The following RIF1 variants were observed in gnomAD, a reference collection of about 807,000 sequenced individuals.
RIF1 encodes telomere-associated protein RIF1.
In RIF1, 45 loss-of-function variants were observed where a neutral mutation model predicts 247.1. The observed-to-expected ratio is 0.18, with a 90% CI of 0.14 to 0.23. The LOEUF is 0.23. Among genes scored for constraint, RIF1 ranks in the 10% least tolerant of loss-of-function variants. RIF1 has a pLI of 1.00. For synonymous variants in RIF1, 1,087 were observed against 978.8 expected (o/e 1.11, Z -2.06); for missense variants, 2,967 against 2,862.5 (o/e 1.04, Z -0.83).
At chr2:151,420,589 T>C (rs756153289) in intron 7 of RIF1, among the ~76,000 whole-genome samples, 5 of 151,928 alleles carry the variant, frequency 3.3e-5, no homozygotes, top group Non-Finnish European at 7.4e-5. Context: ...TCTTAAAAAT[T>C]AGCTGGGCGT....
At chr2:151,517,452 G>A in the RIF1 span, among the ~76,000 whole-genome samples, 1 of 152,190 alleles carries the variant, frequency 6.6e-6, no homozygotes, top group African/African-American at 2.4e-5. Flanking sequence ...AAATAATGCT[G>A]AATTTGTGAT....
At position 151,475,212 on chromosome 2, in the gene RIF1, C is replaced by G. The variant is rs1185537726; in HGVS notation, c.*141C>G. 4.7e-6 allele frequency: 3 copies of G among 636,868 alleles called. No homozygotes were observed. The highest frequency in any genetic ancestry group is 5.4e-6 in the Non-Finnish European group (2 of 368,280). The allele number at this position is 636,868 out of a possible 1,614,324, so 39.5% of individuals were successfully genotyped here. On this transcript the variant is annotated 3_prime_UTR_variant, in exon 36 of 36. Coordinates refer to ENST00000444746, the MANE Select transcript of RIF1 (RefSeq NM_018151.5). ...CATTTCAAACCCTGAAGGACAGTGA[C>G]TTATTATGTAAGTTCAATTTTGTAA...
chr2:151,485,874 C>T (rs2152618674), downstream of RIF1: 4 of 1,613,976 alleles, frequency 2.5e-6, no homozygotes, highest in Non-Finnish European at 2.5e-6. Flanking sequence ...CATCTCCATC[C>T]TTGAAGGACA....
rs755853084 is a variant in RIF1 at position 151,460,038 on chromosome 2, G to A, written c.2994G>A (p.Met998Ile). Residue 998 changes from methionine to isoleucine, a missense_variant, in exon 26 of 36, where the codon ATG becomes ATA. Physicochemically the swap from Met to Ile is conservative, Grantham distance 10. Around this residue, in one of 7 missense-constraint regions of RIF1, gnomAD observed 2,028 missense variants for 1,825.6 expected, o/e 1.11. Coordinates refer to ENST00000444746, the MANE Select transcript of RIF1 (RefSeq NM_018151.5). ...NSQLNVKISG[M>I]ERKSNGKRDS... ...AACTAAATGTGAAGATAAGTGGCAT[G>A]GAGAGAAAATCAAATGGAAAAAGAG... 4.5e-6 allele frequency: 7 copies of A among 1,565,606 alleles called. No individual in the cohort carries two copies. Among genetic ancestry groups the A allele is most frequent in the South Asian group, 3.6e-5 (3 of 84,140 alleles).
At chr2:151,526,098 G>A in the RIF1 span, 1 of 1,611,382 alleles carries the variant, frequency 6.2e-7, no homozygotes, top group African/African-American at 1.3e-5. Flanking sequence ...GCTCATTAAG[G>A]CATCTGCCTG....
intron 30 of RIF1, among the ~76,000 whole-genome samples, chr2:151,466,837 C>G (rs1237302273): frequency 3.3e-5 from 5 of 152,194 alleles, no homozygotes; most frequent in African/African-American, 4.8e-5. Context: ...GAACTTGAAC[C>G]TGCTATTCAT....
rs776059611 is a variant in RIF1 at position 151,493,381 on chromosome 2, GCT to G, written c.*416-1842_*416-1841del. 8 of 1,611,524 alleles carry G rather than the reference GCT, an allele frequency of 5.0e-6. No homozygotes were observed. The African/African-American group carries it at 1.1e-4, about 22-fold the overall frequency. ...GCTAATGTTTTCTTGGTTGCGCTTAGCTCTCTCCATCTCTGGAGTAACAGGTG... is the reference window on the plus strand; with the variant it reads ...GCTAATGTTTTCTTGGTTGCGCTTAGCTCTCCATCTCTGGAGTAACAGGTG... On this transcript the variant is annotated intron_variant and NMD_transcript_variant, in intron 9 of 13. Coordinates refer to the RIF1 transcript ENST00000454583.
At position 151,464,165 on chromosome 2, in the gene RIF1, A is replaced by G. The variant is rs1696583544; in HGVS notation, c.4645A>G (p.Ile1549Val). ...AGCATCTCAGGGTTTGCTTTCCAGC[A>G]TTGAAAACTCAGAATCTGATAGTTC... Reference protein sequence around the residue: ...RRASQGLLSSIENSESDSSEA... With the variant: ...RRASQGLLSSVENSESDSSEA... The change falls in exon 30 of 36, where the codon ATT becomes GTT. Residue 1549 changes from isoleucine to valine, a missense_variant. Physicochemically the swap from Ile to Val is conservative, Grantham distance 29 (BLOSUM62 3). Around this residue, in one of 7 missense-constraint regions of RIF1, gnomAD observed 2,028 missense variants for 1,825.6 expected, o/e 1.11. Coordinates refer to ENST00000444746, the MANE Select transcript of RIF1 (RefSeq NM_018151.5). 2 of 1,609,990 alleles carry G rather than the reference A, an allele frequency of 1.2e-6. No homozygotes were observed. The highest frequency in any genetic ancestry group is 1.7e-6 in the Non-Finnish European group (2 of 1,179,050).
At chr2:151,419,870 G>C (rs1687881920) in intron 6 of RIF1, among the ~76,000 whole-genome samples, 1 of 152,098 alleles carries the variant, frequency 6.6e-6, no homozygotes, top group Non-Finnish European at 1.5e-5. Context: ...ACGTTGCTCT[G>C]TGGTGAATGA....
downstream of RIF1, among the ~76,000 whole-genome samples, chr2:151,509,273 G>GT (rs955420761): frequency 6.6e-6 from 1 of 152,272 alleles, no homozygotes; most frequent in African/African-American, 2.4e-5. Context: ...ATGAACAAAT[G>GT]TTTTGTTCAT....
At chr2:151,460,410 G>A (rs1258685910) in intron 26 of RIF1, among the ~76,000 whole-genome samples, 1 of 152,176 alleles carries the variant, frequency 6.6e-6, no homozygotes, top group African/African-American at 2.4e-5. Flanking sequence ...AGTTATGAAT[G>A]ACTAACATAG....
chr2:151,497,506 T>TAAAG (rs2061023466), intron 10 of RIF1: 27 of 1,493,830 alleles, frequency 1.8e-5, no homozygotes, highest in Non-Finnish European at 2.3e-5. Context: ...ATAAATTTGC[T>TAAAG]AAAGAAATTC....
chr2:151,462,814 C>A (rs895272061), intron 29 of RIF1, 70 bp from the exon 30 acceptor site: 23 of 1,210,008 alleles, frequency 1.9e-5, no homozygotes, highest in Non-Finnish European at 2.1e-5. Flanking sequence ...CTAAAGTTTT[C>A]CCAGAAAGTC....
At chr2:151,451,074 A>G (rs910708734) in intron 20 of RIF1, among the ~76,000 whole-genome samples, 4 of 152,210 alleles carry the variant, frequency 2.6e-5, no homozygotes, top group Non-Finnish European at 4.4e-5. Context: ...GAGAAAGTAC[A>G]GTGTTTGACT....
intron 8 of RIF1, among the ~76,000 whole-genome samples, chr2:151,425,407 T>A (rs1164854902): frequency 1.3e-5 from 2 of 152,068 alleles, no homozygotes; most frequent in South Asian, 2.1e-4. Context: ...ATATATATAT[T>A]TTTTGTTATT....
intron 11 of RIF1, chr2:151,502,931 A>G (rs370779281): frequency 1.5e-5 from 18 of 1,196,862 alleles, no homozygotes; most frequent in Non-Finnish European, 2.2e-5. Flanking sequence ...AAACAGGCAC[A>G]GAGAGTAAGG....
At chr2:151,413,919 A>G (rs1686726110) in intron 3 of RIF1, among the ~76,000 whole-genome samples, 1 of 152,210 alleles carries the variant, frequency 6.6e-6, no homozygotes, top group Non-Finnish European at 1.5e-5. Context: ...TACAAGGGAA[A>G]TGGGGTACAG....
In RIF1 at chr2:151,465,916, T is replaced by G; in HGVS notation, c.6396T>G (p.Ala2132=). The G allele has an allele frequency of 6.2e-7, 1 of 1,614,168 alleles. No individual in the cohort carries two copies. Among genetic ancestry groups the G allele is most frequent in the Non-Finnish European group, 8.5e-7 (1 of 1,179,996 alleles). ...CACAGTGTCTGGCATCTGGAACAGC[T>G]ATCTCTGAGCTAATAATAGAAGACA... is the stretch of plus-strand genomic sequence containing the variant. ...EPSQCLASGT[A]ISELIIEDNN... is the part of the protein sequence containing the mutation. Residue 2132 remains alanine, a synonymous_variant, in exon 30 of 36, where the codon GCT becomes GCG. Transcript: ENST00000444746.
At chr2:151,498,631 A>AAT (rs59037518) in intron 10 of RIF1, among the ~76,000 whole-genome samples, 1 of 152,318 alleles carries the variant, frequency 6.6e-6, no homozygotes, top group African/African-American at 2.4e-5. Flanking sequence ...GTGAAAGAGC[A>AAT]ATTAGTCTTT....
Sources: gnomAD v4.1 joint callset for allele counts (sites outside exome capture counted in the v4.1 genomes callset) on GRCh38, gnomAD v4.1.1 for gene constraint, gnomAD v4.1.1 regional missense constraint, MANE v1.5 for transcripts, NCBI Gene and HGNC (gene_info 2026-07-23, HGNC 2026-07-21) for gene names.